The following CHM variants were observed in gnomAD, a reference collection of about 807,000 sequenced individuals.
CHM encodes rab proteins geranylgeranyltransferase component A 1.
In CHM, 10 loss-of-function variants were observed where a neutral mutation model predicts 49.0. The ratio of observed to expected loss-of-function variants is 0.20; its 90% confidence interval spans 0.13 to 0.35. CHM has a LOEUF of 0.35. Among genes scored for constraint, CHM ranks in the 10% least tolerant of loss-of-function variants. The probability of loss-of-function intolerance (pLI) is 1.00; values close to 1 mark genes in which losing one functional copy is unlikely to be tolerated. For missense variants in CHM, 455 were observed against 478.4 expected (o/e 0.95, Z 0.46); for synonymous variants, 184 against 167.5 (o/e 1.10, Z -0.76).
At chrX:85,989,270 T>C (rs1246060856) in intron 2 of CHM, among the ~76,000 whole-genome samples, 1 of 111,814 alleles carries the variant, frequency 8.9e-6, no homozygotes, top group East Asian at 2.8e-4. Context: ...ATTCAATAAA[T>C]GGTGCTGGGA....
intron 2 of CHM, among the ~76,000 whole-genome samples, chrX:85,995,260 TAAAAAAAAAA>T (rs55742394): frequency 8.8e-4 from 41 of 46,814 alleles, no homozygotes; most frequent in African/African-American, 2.4e-3. Context: ...CCTTATTACT[TAAAAAAAAAA>T]AAAAAAAAAA....
chrX:86,003,941 AC>A (rs1932798807), intron 2 of CHM, among the ~76,000 whole-genome samples: 1 of 111,334 alleles, frequency 9.0e-6, no homozygotes, highest in African/African-American at 3.3e-5. Context: ...AAGAAGAAAA[AC>A]CCCAAGACAT....
intron 2 of CHM, among the ~76,000 whole-genome samples, chrX:85,995,026 C>T (rs181296036): frequency 3.4e-4 from 37 of 110,089 alleles, no homozygotes; most frequent in African/African-American, 1.1e-3. Context: ...ACATTAAGAG[C>T]TGTCTCAATC....
chrX:85,924,152 T>G (rs1927956461), intron 8 of CHM, among the ~76,000 whole-genome samples: 1 of 111,249 alleles, frequency 9.0e-6, no homozygotes, highest in Admixed American at 9.6e-5. Context: ...GTATTATTTT[T>G]AAAATGGGTC....
chrX:85,924,804 G>A (rs1927992547), intron 8 of CHM, among the ~76,000 whole-genome samples: 2 of 111,598 alleles, frequency 1.8e-5, no homozygotes, highest in African/African-American at 6.5e-5. Flanking sequence ...CTGCCCTTTA[G>A]GAACTGCTGT....
At chrX:86,030,755 A>T (rs1963780502) in intron 1 of CHM, among the ~76,000 whole-genome samples, 2 of 110,634 alleles carry the variant, frequency 1.8e-5, no homozygotes, top group African/African-American at 6.6e-5. Flanking sequence ...TAACAACCCT[A>T]ACTGAGGAGT....
chrX:86,005,904 C>T (rs1465832632), intron 2 of CHM, among the ~76,000 whole-genome samples: 3 of 111,946 alleles, frequency 2.7e-5, no homozygotes, highest in East Asian at 2.8e-4. Flanking sequence ...TCCTCCCTAA[C>T]TCATTTTGTG....
chrX:86,009,396 A>T (rs1932963401), intron 2 of CHM, among the ~76,000 whole-genome samples: 1 of 112,170 alleles, frequency 8.9e-6, no homozygotes, highest in Non-Finnish European at 1.9e-5. Context: ...CTATGTGCCA[A>T]CCATCTCAGA....
chrX:85,910,977 C>T (rs747785491), intron 9 of CHM, among the ~76,000 whole-genome samples: 155 of 97,737 alleles, frequency 1.6e-3, no homozygotes, highest in African/African-American at 4.4e-3. Flanking sequence ...ATATTCTGAA[C>T]TCACTATTCT....
chrX:86,028,456 A>G (rs1182830166), intron 1 of CHM, among the ~76,000 whole-genome samples: 1 of 111,895 alleles, frequency 8.9e-6, no homozygotes, highest in Non-Finnish European at 1.9e-5. Flanking sequence ...GGCTGCTTAC[A>G]AGATACATTA....
chrX:86,019,075 CAG>C (rs1456958351), intron 2 of CHM, among the ~76,000 whole-genome samples: 2 of 111,630 alleles, frequency 1.8e-5, no homozygotes, highest in African/African-American at 6.5e-5. Flanking sequence ...GGAGGTGGGA[CAG>C]GGGACAGAGT....
intron 12 of CHM, among the ~76,000 whole-genome samples, chrX:85,882,854 T>G (rs1322427409): frequency 4.5e-5 from 5 of 111,047 alleles, no homozygotes; most frequent in Non-Finnish European, 7.6e-5. Context: ...AGTAGCAGAG[T>G]GACATACTAT....
In CHM at chrX:86,008,228, C is replaced by G. The variant is rs181184017; in HGVS notation, c.116+19263G>C. Among the ~76,000 whole-genome samples, 231 of 110,977 alleles carry G rather than the reference C, an allele frequency of 2.1e-3. 1 individual carries two copies. Among genetic ancestry groups the G allele is most frequent in the Middle Eastern group, 4.7e-3 (1 of 215 alleles). On this transcript the variant is annotated intron_variant, in intron 2 of 14. Transcript: ENST00000357749. ...ACAATGAGATCACTTGGACACAGGG[C>G]GAGGAATATCACACACCGGGGCCTG...
rs1929132238 is a variant in CHM, at chrX:85,941,921, A to G, written c.1166+14232T>C. Among the ~76,000 whole-genome samples the G allele has an allele frequency of 2.7e-5, 3 of 111,546 alleles. No homozygotes were observed. The Admixed American group carries it at 2.9e-4, about 11-fold the overall frequency. ...GTAATAGTAATAACAGCTAACACTT[A>G]TCTAGTACTTGGGCAAGCAATATTA... On this transcript the variant is annotated intron_variant, in intron 8 of 14. Transcript: ENST00000357749.
chrX:85,971,184 G>T, intron 4 of CHM: 1 of 754,310 alleles, frequency 1.3e-6, no homozygotes, highest in Non-Finnish European at 1.6e-6. Flanking sequence ...GTGGTAATGG[G>T]TTTGCACTAA....
chrX:86,009,774 G>A (rs191035615), intron 2 of CHM, among the ~76,000 whole-genome samples: 42 of 111,348 alleles, frequency 3.8e-4, no homozygotes, highest in Non-Finnish European at 5.1e-4. Context: ...GTAAGTGGTT[G>A]ATTCTATAGC....
chrX:86,047,522 G>C lies in CHM; in HGVS notation c.11C>G (p.Thr4Ser), dbSNP rs370525929. ...GATCACATCAAACTCCGAAGGGAGA[G>C]TATCCGCCATCTTGACGGGAAACGT... MAD[T>S]LPSEFDVIVI... is the part of the protein sequence containing the mutation. The change falls in exon 1 of 15, where the codon ACT becomes AGT. Residue 4 changes from threonine to serine, a missense_variant. By Grantham distance (58) the Thr-to-Ser change is moderately conservative. Coordinates refer to ENST00000357749, the MANE Select transcript of CHM (RefSeq NM_000390.4). 1 of 1,205,055 alleles carries C rather than the reference G, an allele frequency of 8.3e-7. No homozygotes were observed. Among genetic ancestry groups the C allele is most frequent in the African/African-American group, 1.8e-5 (1 of 57,062 alleles).
chrX:86,035,294 T>C (rs1934192898), intron 1 of CHM, among the ~76,000 whole-genome samples: 1 of 111,714 alleles, frequency 9.0e-6, no homozygotes, highest in South Asian at 3.7e-4. Flanking sequence ...AACAAAATAA[T>C]ATCCCAATAG....
At chrX:85,889,867 C>A (rs1925331766) in intron 12 of CHM, among the ~76,000 whole-genome samples, 1 of 111,942 alleles carries the variant, frequency 8.9e-6, no homozygotes, top group South Asian at 3.7e-4. Flanking sequence ...TACTATGCAG[C>A]CATAAAATCA....
Sources: gnomAD v4.1 joint callset for allele counts (sites outside exome capture counted in the v4.1 genomes callset) on GRCh38, gnomAD v4.1.1 for gene constraint, MANE v1.5 for transcripts, NCBI Gene and HGNC (gene_info 2026-07-23, HGNC 2026-07-21) for gene names.